SPG7: variants seen among roughly 807,000 people sequenced by gnomAD.
SPG7 encodes mitochondrial inner membrane m-AAA protease component paraplegin.
Under a neutral mutation model 81.9 loss-of-function variants are expected in SPG7, and 103 were observed. The ratio of observed to expected loss-of-function variants is 1.26; its 90% confidence interval spans 1.07 to 1.48. The LOEUF (loss-of-function observed/expected upper bound fraction) is 1.48, where lower values mean the gene tolerates loss of function less well. SPG7 is among the 40% of genes most tolerant of loss of function. The pLI is 0.00. For missense variants in SPG7, 1,241 were observed against 1,087.3 expected (o/e 1.14, Z -1.99); for synonymous variants, 534 against 444.2 (o/e 1.20, Z -2.54).
chr16:89,556,592 G>T (rs1051882488), intron 16 of SPG7: 5 of 443,892 alleles, frequency 1.1e-5, no homozygotes, highest in African/African-American at 8.0e-5. Flanking sequence ...CTCCTTCCCT[G>T]TAGACACACA....
chr16:89,512,884 G>T (rs1428135496), intron 2 of SPG7, 64 bp from the exon 3 acceptor site: 1 of 1,589,442 alleles, frequency 6.3e-7, no homozygotes. Context: ...GTACACTGTT[G>T]TCCTGTATGC....
rs747473151 is a variant in SPG7 at position 89,532,467 on chromosome 16, C to T, written c.1155C>T (p.Leu385=). The T allele has an allele frequency of 1.4e-5, 23 of 1,613,336 alleles. No homozygotes were observed. Among genetic ancestry groups the T allele is most frequent in the African/African-American group, 4.0e-5 (3 of 74,926 alleles). The change falls in exon 9 of 17, where the codon CTC becomes CTT. Residue 385 remains leucine (L), a synonymous_variant. Transcript: ENST00000645818. ...GPEFVEVIGG[L]GAARVRSLFK... The stretch of plus-strand genomic sequence containing the variant: ...ATTCTCTCTGTGTCCCCTCAGGCCT[C>T]GGCGCTGCCCGTGTGCGGAGCCTCT...
At chr16:89,523,422 G>A (rs981658788) in intron 3 of SPG7, 1 of 327,836 alleles carries the variant, frequency 3.1e-6, no homozygotes, top group East Asian at 8.1e-5. Flanking sequence ...GAGGCAGGTT[G>A]TGGTAAAAGG....
Position 89,557,199 on chromosome 16 carries a change from A to G in SPG7, c.*106A>G, listed in dbSNP as rs16965816. 3.1e-3 allele frequency: 2,297 copies of G among 751,546 alleles called. 39 individuals are homozygous for G. In the African/African-American group the frequency reaches 0.036, roughly 12 times the overall value. 46.6% of individuals were successfully genotyped at this position (751,546 alleles called of 1,614,324 possible). ...GTTTGCACTTCCTCTCGCGGCCCTCAGTAGTCCCTGCACAGTGACTTCTGA... is the reference window on the plus strand; with the variant it reads ...GTTTGCACTTCCTCTCGCGGCCCTCGGTAGTCCCTGCACAGTGACTTCTGA... On this transcript the variant is annotated 3_prime_UTR_variant, in exon 17 of 17. Transcript: ENST00000645818.
At chr16:89,544,417 A>G (rs1047623738) in intron 9 of SPG7, 14 of 511,120 alleles carry the variant, frequency 2.7e-5, no homozygotes, top group Middle Eastern at 5.4e-4. Context: ...GGCCTTGGAC[A>G]GTTCTGCTGT....
chr16:89,545,813 A>G, intron 10 of SPG7: 1 of 392,302 alleles, frequency 2.5e-6, no homozygotes, highest in Non-Finnish European at 5.1e-6. Context: ...GACGTGCTTC[A>G]TTAGCTATTC....
chr16:89,549,258 C>G, intron 12 of SPG7: 2 of 456,848 alleles, frequency 4.4e-6, no homozygotes, highest in East Asian at 6.9e-5. Flanking sequence ...GTGCTCAGGA[C>G]CACGAGCTGA....
chr16:89,546,837 G>C (rs1341628506), intron 11 of SPG7, 77 bp downstream of exon 11: 2 of 954,344 alleles, frequency 2.1e-6, no homozygotes, highest in Non-Finnish European at 3.4e-6. Flanking sequence ...CAGCATCGAG[G>C]CCTCCTCTGT....
At chr16:89,508,976 G>T (rs2057973945) in intron 1 of SPG7, 1 of 487,130 alleles carries the variant, frequency 2.1e-6, no homozygotes, top group African/African-American at 1.9e-5. Context: ...AGGAATTCCA[G>T]CGCCTTCCAG....
chr16:89,532,064 G>C lies in SPG7; in HGVS notation c.1148G>C (p.Gly383Ala), dbSNP rs1351469526. Residue 383 changes from glycine to alanine, a missense_variant and splice_region_variant, in exon 8 of 17, where the codon GGA becomes GCA. Physicochemically the swap from Gly to Ala is moderately conservative, Grantham distance 60. Transcript: ENST00000645818. ...MAGPEFVEVIGGLGAARVRSL... is the reference protein window; with the variant it reads ...MAGPEFVEVIAGLGAARVRSL... ...GGCCCAGAGTTCGTGGAGGTCATTG[G>C]AGGTAGGTGCTGTGGTTGGGGGCTG... The C allele has an allele frequency of 1.9e-6, 3 of 1,612,224 alleles. No individual in the cohort carries two copies. The highest frequency in any genetic ancestry group is 2.5e-6 in the Non-Finnish European group (3 of 1,179,968).
intron 9 of SPG7, chr16:89,533,854 C>G (rs374635645): frequency 1.2e-4 from 18 of 152,050 alleles, no homozygotes; most frequent in African/African-American, 4.1e-4. Flanking sequence ...AAATAGATAG[C>G]CAGGCTTGGT....
At chr16:89,556,196 G>A (rs1342944670) in intron 16 of SPG7, 1 of 398,966 alleles carries the variant, frequency 2.5e-6, no homozygotes, top group Non-Finnish European at 4.4e-6. Context: ...ACCAGCCCTA[G>A]AGAGGAAGTG....
chr16:89,528,808 C>T (rs181054777), intron 5 of SPG7: 1 of 155,262 alleles, frequency 6.4e-6, no homozygotes, highest in Non-Finnish European at 1.4e-5. Context: ...AGGGTTTATT[C>T]TTACATTTTT....
chr16:89,546,791 TCA>T, intron 11 of SPG7, 31 bp downstream of exon 11: 1 of 1,474,432 alleles, frequency 6.8e-7, no homozygotes, highest in Non-Finnish European at 9.5e-7. Context: ...CTGGGCAGCG[TCA>T]CGTCCTGAGG....
rs1387985266 is a variant in SPG7 at position 89,531,962 on chromosome 16, G to T, written c.1046G>T (p.Gly349Val). The change falls in exon 8 of 17, where the codon GGC (glycine) becomes GTC (valine). Residue 349 changes from glycine (G) to valine (V), a missense_variant. By Grantham distance (109) the Gly-to-Val change is moderately radical. Coordinates refer to ENST00000645818, the MANE Select transcript of SPG7 (RefSeq NM_003119.4). Reference sequence around the variant, plus strand: ...GTCCCAAAGGGCGCACTGCTGCTCGGCCCCCCCGGCTGTGGGAAGACGCTG... The same window carrying T: ...GTCCCAAAGGGCGCACTGCTGCTCGTCCCCCCCGGCTGTGGGAAGACGCTG... Reference protein sequence around the residue: ...AKVPKGALLLGPPGCGKTLLA... With the variant: ...AKVPKGALLLVPPGCGKTLLA... 1.9e-6 allele frequency: 3 copies of T among 1,613,618 alleles called. No homozygotes were observed. The highest frequency in any genetic ancestry group is 2.5e-6 in the Non-Finnish European group (3 of 1,179,744).
rs558540762 is a variant in SPG7 at position 89,527,068 on chromosome 16, TA to T, written c.758+601del. ...TCTCTGATATGCTTTAAATCATCTG[TA>T]GGTTGATAATAATACCCAATACCCT... On this transcript the variant is annotated intron_variant, in intron 5 of 16. Transcript: ENST00000645818. 1,012 of 206,078 alleles carry T rather than the reference TA, an allele frequency of 4.9e-3. 6 individuals are homozygous for T. Among genetic ancestry groups the T allele is most frequent in the Non-Finnish European group, 7.7e-3 (760 of 98,756 alleles). The allele number at this position is 206,078 out of a possible 1,614,324, so 12.8% of individuals were successfully genotyped here.
chr16:89,545,486 G>A (rs1016836992), intron 10 of SPG7: 13 of 189,684 alleles, frequency 6.9e-5, no homozygotes, highest in Non-Finnish European at 5.5e-5. Flanking sequence ...AGTGAAGGGC[G>A]GAGCAGAAGC....
At chr16:89,526,278 G>T (rs374304268) in intron 4 of SPG7, 51 bp from the exon 5 acceptor site, 12 of 1,610,488 alleles carry the variant, frequency 7.5e-6, no homozygotes, top group Non-Finnish European at 1.0e-5. Flanking sequence ...CTGTAGGGTT[G>T]CTCGTCTGTC....
At chr16:89,536,387 T>C (rs1227558587) in intron 9 of SPG7, among the ~76,000 whole-genome samples, 1 of 151,584 alleles carries the variant, frequency 6.6e-6, no homozygotes, top group Non-Finnish European at 1.5e-5. Context: ...GATGGGTGGG[T>C]GGTTTGGGTT....
Sources: gnomAD v4.1 joint callset for allele counts (sites outside exome capture counted in the v4.1 genomes callset) on GRCh38, gnomAD v4.1.1 for gene constraint, MANE v1.5 for transcripts, NCBI Gene and HGNC (gene_info 2026-07-23, HGNC 2026-07-21) for gene names.